The following PEG3 variants were observed in gnomAD, a reference collection of about 807,000 sequenced individuals.
The protein encoded by PEG3 is paternally-expressed gene 3 protein.
In PEG3, 23 loss-of-function variants were observed where a neutral mutation model predicts 35.5. The ratio of observed to expected loss-of-function variants is 0.65; its 90% CI spans 0.47 to 0.92. The LOEUF is 0.92. Ranked by LOEUF, PEG3 falls within the 40% of genes least tolerant of loss-of-function variation. PEG3 has a pLI of 0.00. For missense variants in PEG3, 1,960 were observed against 1,985.3 expected (o/e 0.99, Z 0.24); for synonymous variants, 707 against 697.0 (o/e 1.01, Z -0.23).
chr19:56,813,422 G>T lies in PEG3; in HGVS notation c.*253C>A. The T allele has an allele frequency of 7.7e-7, 1 of 1,294,974 alleles. No homozygotes were observed. 80.2% of individuals were successfully genotyped at this position (1,294,974 alleles called of 1,614,324 possible). A position where few individuals can be genotyped will look rare whatever the true frequency, so the allele number is the denominator to read the frequency against. On this transcript the variant is annotated 3_prime_UTR_variant, in exon 10 of 10. Coordinates refer to ENST00000326441, the MANE Select transcript of PEG3 (RefSeq NM_006210.3). ...AATACTCATAGGGTTTTCTCAATCTGATTACTTGGAAAGGTAAGATGTGTG... is the reference window on the plus strand; with the variant it reads ...AATACTCATAGGGTTTTCTCAATCTTATTACTTGGAAAGGTAAGATGTGTG...
chr19:56,816,001 T>C lies in PEG3; in HGVS notation c.2441A>G (p.Asn814Ser), dbSNP rs147407205. The C allele has an allele frequency of 7.6e-6, 12 of 1,588,108 alleles. No individual in the cohort carries two copies. The highest frequency in any genetic ancestry group is 6.8e-5 in the African/African-American group (5 of 74,056). The change falls in exon 10 of 10, where the codon AAC (asparagine) becomes AGC (serine). Residue 814 changes from asparagine (N) to serine (S), a missense_variant. Asn to Ser is a conservative substitution (Grantham distance 46). Coordinates refer to ENST00000326441, the MANE Select transcript of PEG3 (RefSeq NM_006210.3). ...ESTIQSFDAI[N>S]HQRVRAGGNT... is the part of the protein sequence containing the mutation. Reference sequence around the variant, plus strand: ...CCCTCCAGCACGAACTCTCTGATGGTTGATAGCATCGAAGCTCTGAATGGT... The same window carrying C: ...CCCTCCAGCACGAACTCTCTGATGGCTGATAGCATCGAAGCTCTGAATGGT...
chr19:56,823,534 T>G (rs907087204), intron 5 of PEG3, 59 bp downstream of exon 5: 11 of 1,608,514 alleles, frequency 6.8e-6, no homozygotes, highest in Non-Finnish European at 9.4e-6. Flanking sequence ...TGTGTCTCCA[T>G]CTGGAAGCAT....
At chr19:56,835,895 G>C (rs377276221) in intron 2 of PEG3, 123 bp downstream of exon 2, 7 of 397,958 alleles carry the variant, frequency 1.8e-5, no homozygotes, top group African/African-American at 1.4e-4. Flanking sequence ...TGTTCTCAGA[G>C]GGCACAAATG....
intron 2 of PEG3, among the ~76,000 whole-genome samples, chr19:56,832,823 G>C (rs542355023): frequency 1.3e-5 from 2 of 152,316 alleles, no homozygotes; most frequent in Admixed American, 6.5e-5. Context: ...TCTGTATACA[G>C]AACAAGCCTG....
At position 56,816,138 on chromosome 19, in the gene PEG3, G is replaced by A. The variant is rs757486616; in HGVS notation, c.2304C>T (p.Val768=). 2 of 1,613,564 alleles carry A rather than the reference G, an allele frequency of 1.2e-6. No homozygotes were observed. The highest frequency in any genetic ancestry group is 1.7e-6 in the Non-Finnish European group (2 of 1,179,804). Residue 768 remains valine (V), a synonymous_variant, in exon 10 of 10, where the codon GTC becomes GTT. Transcript: ENST00000326441. ...ACCTCTCATATGATTTTGCCTCATAGACATTTTCCTTAGTGGGAATCTTCT... is the reference window on the plus strand; with the variant it reads ...ACCTCTCATATGATTTTGCCTCATAAACATTTTCCTTAGTGGGAATCTTCT... ...ENQKIPTKEN[V]YEAKSYERSV...
At chr19:56,828,887 G>C (rs914588042) in intron 2 of PEG3, among the ~76,000 whole-genome samples, 9 of 152,192 alleles carry the variant, frequency 5.9e-5, no homozygotes, top group African/African-American at 2.2e-4. Flanking sequence ...TGATGCTAGT[G>C]AGGGTGTAGA....
intron 3 of PEG3, 127 bp from the exon 4 acceptor site, chr19:56,824,868 C>T (rs998499435): frequency 3.7e-6 from 2 of 544,634 alleles, no homozygotes; most frequent in Non-Finnish European, 6.5e-6. Context: ...AGGCAAACAA[C>T]CGCACAAAGT....
chr19:56,810,132 C>T lies in PEG3; in HGVS notation c.*3543G>A, dbSNP rs2048015492. ...TTGACACTATTACAGATAGAATGAC[C>T]ACAACCATATTAACAAACCAAAAAC... On this transcript the variant is annotated 3_prime_UTR_variant, in exon 10 of 10. Coordinates refer to ENST00000326441, the MANE Select transcript of PEG3 (RefSeq NM_006210.3). The T allele has an allele frequency of 1.0e-6, 1 of 967,066 alleles. No individual in the cohort carries two copies. The highest frequency in any genetic ancestry group is 1.2e-6 in the Non-Finnish European group (1 of 813,342). The allele number at this position is 967,066 out of a possible 1,614,324, so 59.9% of individuals were successfully genotyped here.
chr19:56,834,954 AACAG>A (rs1471304923), intron 2 of PEG3, among the ~76,000 whole-genome samples: 4 of 152,110 alleles, frequency 2.6e-5, no homozygotes, highest in African/African-American at 7.2e-5. Context: ...CAAATGAACA[AACAG>A]ACAACCTCTA....
rs971251595 is a variant in PEG3, at chr19:56,810,390, C to T, written c.*3285G>A. 5.1e-6 allele frequency: 5 copies of T among 985,246 alleles called. No homozygotes were observed. The African/African-American group carries it at 8.7e-5, about 17-fold the overall frequency. The allele number at this position is 985,246 out of a possible 1,614,324, so 61.0% of individuals were successfully genotyped here. ...TAACCATAATCCCACAACAACCACA[C>T]AACTATTTCTTGTTTTTCATCTTTC... On this transcript the variant is annotated 3_prime_UTR_variant, in exon 10 of 10. Coordinates refer to ENST00000326441, the MANE Select transcript of PEG3 (RefSeq NM_006210.3).
At chr19:56,825,158 G>A (rs1482467120) in intron 3 of PEG3, among the ~76,000 whole-genome samples, 2 of 152,330 alleles carry the variant, frequency 1.3e-5, no homozygotes, top group African/African-American at 4.8e-5. Context: ...AAAATCAGAC[G>A]TCAGCACGTT....
Position 56,815,217 on chromosome 19 carries a change from G to C in PEG3, c.3225C>G (p.Ser1075Arg), listed in dbSNP as rs146308462. ...TTGTCTCCTGACCATGGGTCTCCTC[G>C]CTGTGGGTCTCCTCCCCATCAGTAT... ...GENTDGEETH[S>R]EETHGQETIE... is the part of the protein sequence containing the mutation. Residue 1075 changes from serine to arginine, a missense_variant, in exon 10 of 10, where the codon AGC (serine) becomes AGG (arginine). Transcript: ENST00000326441. 7 of 1,613,690 alleles carry C rather than the reference G, an allele frequency of 4.3e-6. No homozygotes were observed. The highest frequency in any genetic ancestry group is 1.7e-5 in the Admixed American group (1 of 59,992).
Position 56,827,499 on chromosome 19 carries a change from A to T in PEG3, c.-162-1036T>A, listed in dbSNP as rs2061160064. Among the ~76,000 whole-genome samples the T allele has an allele frequency of 2.6e-5, 4 of 152,192 alleles. No homozygotes were observed. In the South Asian group the frequency reaches 8.3e-4, roughly 32 times the overall value. On this transcript the variant is annotated intron_variant, in intron 2 of 9. Transcript: ENST00000326441. ...AGTAAAGAAAGGCTTTGGAAACAAAACAATCAATCATAAAGCCGGGCAACA... is the reference window on the plus strand; with the variant it reads ...AGTAAAGAAAGGCTTTGGAAACAAATCAATCAATCATAAAGCCGGGCAACA...
At position 56,817,360 on chromosome 19, in the gene PEG3, A is replaced by T. The variant is rs774505839; in HGVS notation, c.1082T>A (p.Ile361Asn). The T allele has an allele frequency of 3.1e-6, 5 of 1,613,970 alleles. No individual in the cohort carries two copies. The highest frequency in any genetic ancestry group is 4.2e-6 in the Non-Finnish European group (5 of 1,179,862). Residue 361 changes from isoleucine to asparagine, a missense_variant, in exon 10 of 10, where the codon ATC (isoleucine) becomes AAC (asparagine). Transcript: ENST00000326441. ...DISLNKRESV[I>N]QQRVYEGNAF... Reference sequence around the variant, plus strand: ...ATTCCCTTCATAAACCCGCTGCTGGATCACTGACTCCCTCTTGTTCAATGA... The same window carrying T: ...ATTCCCTTCATAAACCCGCTGCTGGTTCACTGACTCCCTCTTGTTCAATGA...
In PEG3 at chr19:56,824,367, T is replaced by C. The variant is rs77911168; in HGVS notation, c.289A>G (p.Ile97Val). 8.9e-5 allele frequency: 144 copies of C among 1,614,178 alleles called. No individual in the cohort carries two copies. The East Asian group carries it at 3.1e-3, about 35-fold the overall frequency. The stretch of plus-strand genomic sequence containing the variant: ...CAAGGCTTGAGCTTTTCAGGGATGA[T>C]GGTCAGGTACTGCTCAAGGACCAAG... ...ELLVLEQYLT[I>V]IPEKLKPWVR... The change falls in exon 4 of 10, where the codon ATC becomes GTC. Residue 97 changes from isoleucine to valine, a missense_variant. By Grantham distance (29) the Ile-to-Val change is conservative (BLOSUM62 3). This residue lies in a region of PEG3 where 613 missense variants were observed against 577.1 expected (regional missense o/e 1.06). Transcript: ENST00000326441.
Position 56,817,888 on chromosome 19 carries a change from C to T in PEG3, c.773-53G>A, listed in dbSNP as rs567492433. 2.7e-5 allele frequency: 38 copies of T among 1,401,860 alleles called. No homozygotes were observed. In the African/African-American group the frequency reaches 3.1e-4, roughly 11 times the overall value. 86.8% of individuals were successfully genotyped at this position (1,401,860 alleles called of 1,614,324 possible). On this transcript the variant is annotated intron_variant, in intron 8 of 9. Transcript: ENST00000326441. Reference sequence around the variant, plus strand: ...CTCAAATTCAAGTTGAGGACCAAGACTCATCACCATAAATTGATCTTCATC... The same window carrying T: ...CTCAAATTCAAGTTGAGGACCAAGATTCATCACCATAAATTGATCTTCATC...
intron 7 of PEG3, among the ~76,000 whole-genome samples, chr19:56,821,086 G>A (rs527757184): frequency 6.6e-5 from 10 of 152,276 alleles, no homozygotes; most frequent in Admixed American, 5.9e-4. Flanking sequence ...AACATTTAAC[G>A]GTGTGCCTAC....
intron 7 of PEG3, among the ~76,000 whole-genome samples, chr19:56,819,762 G>A (rs1434740133): frequency 6.6e-6 from 1 of 152,128 alleles, no homozygotes; most frequent in Non-Finnish European, 1.5e-5. Flanking sequence ...TAAATATTAA[G>A]AAAATTATGT....
At chr19:56,829,970 G>T (rs1308039678) in intron 2 of PEG3, among the ~76,000 whole-genome samples, 2 of 152,242 alleles carry the variant, frequency 1.3e-5, no homozygotes, top group South Asian at 4.1e-4. Flanking sequence ...AGGAAGAAAG[G>T]TCTAAAGGCT....
Sources: gnomAD v4.1 joint callset for allele counts (sites outside exome capture counted in the v4.1 genomes callset) on GRCh38, gnomAD v4.1.1 for gene constraint, gnomAD v4.1.1 regional missense constraint, MANE v1.5 for transcripts, NCBI Gene and HGNC (gene_info 2026-07-23, HGNC 2026-07-21) for gene names.